Variants in SYT1 observed in about 807,000 individuals in gnomAD.
SYT1 encodes synaptotagmin-1.
In SYT1, 8 loss-of-function variants were observed where a neutral mutation model predicts 44.8. The observed-to-expected ratio is 0.18, with a 90% CI of 0.10 to 0.32. The LOEUF is 0.32. Ranked by LOEUF, SYT1 falls within the 10% of genes least tolerant of loss-of-function variation. SYT1 has a pLI of 1.00. For synonymous variants in SYT1, 154 were observed against 188.8 expected (o/e 0.82, Z 1.51); for missense variants, 286 against 509.3 (o/e 0.56, Z 4.22).
At chr12:79,399,434 A>G (rs1476004298) in intron 9 of SYT1, among the ~76,000 whole-genome samples, 2 of 152,132 alleles carry the variant, frequency 1.3e-5, no homozygotes, top group Admixed American at 6.6e-5. Context: ...CCTGTAAGTC[A>G]AAGTATTCAA....
intron 4 of SYT1, among the ~76,000 whole-genome samples, chr12:79,234,213 T>C (rs763219576): frequency 1.3e-5 from 2 of 152,240 alleles, no homozygotes; most frequent in Non-Finnish European, 2.9e-5. Context: ...CAATACTATA[T>C]GTAAATCACA....
intron 4 of SYT1, among the ~76,000 whole-genome samples, chr12:79,246,932 G>A (rs1876885255): frequency 6.6e-6 from 1 of 152,186 alleles, no homozygotes; most frequent in Non-Finnish European, 1.5e-5. Context: ...GAACATAAGG[G>A]TTCAGTATAA....
chr12:79,427,437 C>T (rs2136170154), intron 9 of SYT1, among the ~76,000 whole-genome samples: 1 of 152,274 alleles, frequency 6.6e-6, no homozygotes, highest in South Asian at 2.1e-4. Context: ...AAGAAGTGAT[C>T]ATTGAGGACC....
chr12:79,392,657 A>C (rs910377051), intron 9 of SYT1: 26 of 152,122 alleles, frequency 1.7e-4, no homozygotes, highest in African/African-American at 5.8e-4. Flanking sequence ...AAATTAAAAG[A>C]TTACTAGTTC....
At position 79,182,747 on chromosome 12, in the gene SYT1, A is replaced by G. The variant is rs150008490; in HGVS notation, c.-17-34756A>G. ...TCTCTGCTGAAAAGATTTTCTTTCA[A>G]TCTGATAACCTAAAGCAAATTGCAT... is the stretch of plus-strand genomic sequence containing the variant. On this transcript the variant is annotated intron_variant, in intron 3 of 10. Coordinates refer to ENST00000261205, the MANE Select transcript of SYT1 (RefSeq NM_005639.3). Among the ~76,000 whole-genome samples, 321 of 152,226 alleles carry G rather than the reference A, an allele frequency of 2.1e-3. 1 individual carries two copies. The highest frequency in any genetic ancestry group is 4.3e-3 in the Admixed American group (66 of 15,262).
At chr12:79,216,766 A>C (rs1425538356) in intron 3 of SYT1, among the ~76,000 whole-genome samples, 2 of 152,192 alleles carry the variant, frequency 1.3e-5, no homozygotes, top group Admixed American at 6.5e-5. Flanking sequence ...AATAAGCTAA[A>C]TAAAGTAAAA....
chr12:78,922,439 A>G (rs1877058948), intron 1 of SYT1, among the ~76,000 whole-genome samples: 1 of 151,678 alleles, frequency 6.6e-6, no homozygotes, highest in South Asian at 2.1e-4. Flanking sequence ...AATTTTAAAT[A>G]TATAATTTCT....
At chr12:79,053,256 G>GATAAAAAAC (rs2137802564) in intron 3 of SYT1, among the ~76,000 whole-genome samples, 1 of 151,994 alleles carries the variant, frequency 6.6e-6, no homozygotes, top group African/African-American at 2.4e-5. Flanking sequence ...CTATCGCAAG[G>GATAAAAAAC]ATAAAAAACC....
At chr12:79,409,998 G>A (rs1258687076) in intron 9 of SYT1, among the ~76,000 whole-genome samples, 2 of 151,984 alleles carry the variant, frequency 1.3e-5, no homozygotes, top group African/African-American at 2.4e-5. Flanking sequence ...AATTAATGCT[G>A]TGTGTTCTTT....
chr12:79,284,732 G>A (rs762343927), intron 4 of SYT1, among the ~76,000 whole-genome samples: 5 of 151,694 alleles, frequency 3.3e-5, no homozygotes, highest in East Asian at 1.9e-4. Flanking sequence ...CCAGCTACTC[G>A]GGACGCTGAG....
chr12:79,297,152 A>C (rs777100306), intron 7 of SYT1, among the ~76,000 whole-genome samples: 6 of 152,168 alleles, frequency 3.9e-5, no homozygotes, highest in Non-Finnish European at 8.8e-5. Flanking sequence ...AATTATGTAA[A>C]GGGGAAGTGT....
chr12:79,199,268 T>C (rs1873640321), intron 3 of SYT1, among the ~76,000 whole-genome samples: 1 of 152,156 alleles, frequency 6.6e-6, no homozygotes, highest in Admixed American at 6.6e-5. Flanking sequence ...ACAGAGACTT[T>C]TCCTCTCTCT....
chr12:79,389,702 G>A (rs536833951), intron 9 of SYT1, among the ~76,000 whole-genome samples: 6 of 152,176 alleles, frequency 3.9e-5, no homozygotes, highest in South Asian at 4.2e-4. Context: ...ACCATAAAAT[G>A]CTGCCACCCC....
chr12:79,367,413 C>A (rs927461048), intron 9 of SYT1, among the ~76,000 whole-genome samples: 9 of 152,152 alleles, frequency 5.9e-5, no homozygotes, highest in African/African-American at 2.2e-4. Context: ...AATTTTGCCC[C>A]AGGTAATAAA....
intron 1 of SYT1, among the ~76,000 whole-genome samples, chr12:78,945,265 A>T (rs180822819): frequency 2.2e-4 from 34 of 151,822 alleles, no homozygotes; most frequent in Admixed American, 1.8e-3. Flanking sequence ...CCTTAACTTG[A>T]TTTTTTTTCT....
chr12:79,317,422 T>C (rs1467806998), intron 8 of SYT1, among the ~76,000 whole-genome samples: 1 of 152,240 alleles, frequency 6.6e-6, no homozygotes, highest in Admixed American at 6.5e-5. Context: ...TCATATGCAA[T>C]TATTTTCCCC....
chr12:78,913,442 A>G (rs1876460273), intron 1 of SYT1, among the ~76,000 whole-genome samples: 1 of 151,544 alleles, frequency 6.6e-6, no homozygotes, highest in African/African-American at 2.4e-5. Context: ...TAGTTAAGGA[A>G]CTTTATATAT....
At chr12:79,065,854 G>C (rs939583279) in intron 3 of SYT1, among the ~76,000 whole-genome samples, 1 of 151,962 alleles carries the variant, frequency 6.6e-6, no homozygotes, top group Non-Finnish European at 1.5e-5. Flanking sequence ...CTATCTTATA[G>C]CTTAATTGGT....
At chr12:79,276,967 G>GGAGGAA (rs1336240180) in intron 4 of SYT1, among the ~76,000 whole-genome samples, 1 of 138,508 alleles carries the variant, frequency 7.2e-6, no homozygotes, top group African/African-American at 2.5e-5. Context: ...AGGAGGAGGA[G>GGAGGAA]GAGGAAGAGG....
Sources: gnomAD v4.1 joint callset for allele counts (sites outside exome capture counted in the v4.1 genomes callset) on GRCh38, gnomAD v4.1.1 for gene constraint, MANE v1.5 for transcripts, NCBI Gene and HGNC (gene_info 2026-07-23, HGNC 2026-07-21) for gene names.